SV2B: variants seen among roughly 807,000 people sequenced by gnomAD.
The protein encoded by SV2B is solute carrier family 22 member B2.
SV2B carries 41 observed loss-of-function variants against 73.9 expected under a neutral mutation model. The ratio of observed to expected loss-of-function variants is 0.56; its 90% CI spans 0.43 to 0.72. The LOEUF (loss-of-function observed/expected upper bound fraction) is 0.72, where lower values mean the gene tolerates loss of function less well. SV2B is among the 30% of genes least tolerant of loss of function. The pLI, the probability that SV2B is intolerant of heterozygous loss-of-function variation, is 0.00. For synonymous variants in SV2B, 314 were observed against 314.2 expected (o/e 1.00, Z 0.01); for missense variants, 764 against 857.8 (o/e 0.89, Z 1.37).
chr15:91,176,735 G>T (rs1425301530), intron 1 of SV2B, among the ~76,000 whole-genome samples: 1 of 151,668 alleles, frequency 6.6e-6, no homozygotes, highest in Admixed American at 6.6e-5. Context: ...TTTTGATGGG[G>T]TTGTTTGTTT....
intron 2 of SV2B, among the ~76,000 whole-genome samples, chr15:91,248,225 G>A (rs533659260): frequency 6.6e-6 from 1 of 152,142 alleles, no homozygotes; most frequent in African/African-American, 2.4e-5. Flanking sequence ...GGAGGCTGAG[G>A]CAGGAGGATG....
chr15:91,295,901 A>C lies in SV2B; in HGVS notation c.*3349A>C, dbSNP rs1490996597. On this transcript the variant is annotated 3_prime_UTR_variant, in exon 13 of 13. Transcript: ENST00000394232. ...TTCCTGCCTCATTCCACTTGCAGTGAGCGGATATTAAATTGGCCATAAACA... is the reference window on the plus strand; with the variant it reads ...TTCCTGCCTCATTCCACTTGCAGTGCGCGGATATTAAATTGGCCATAAACA... The C allele has an allele frequency of 6.6e-6, 1 of 152,148 alleles. No individual in the cohort carries two copies. The highest frequency in any genetic ancestry group is 2.4e-5 in the African/African-American group (1 of 41,416). The allele number at this position is 152,148 out of a possible 1,614,324, so 9.4% of individuals were successfully genotyped here. A position where few individuals can be genotyped will look rare whatever the true frequency, so the allele number is the denominator to read the frequency against.
In SV2B at chr15:91,141,896, A is replaced by G. The variant is rs545458568; in HGVS notation, c.-392+41533A>G. Among the ~76,000 whole-genome samples the G allele has an allele frequency of 1.3e-5, 2 of 152,276 alleles. No homozygotes were observed. The highest frequency in any genetic ancestry group is 4.8e-5 in the African/African-American group (2 of 41,556). Reference sequence around the variant, plus strand: ...GTCGGACGGGAATTGGCAGTAGAGAACACAGGGTCCCACAGTGGATCCTCA... The same window carrying G: ...GTCGGACGGGAATTGGCAGTAGAGAGCACAGGGTCCCACAGTGGATCCTCA... On this transcript the variant is annotated intron_variant, in intron 1 of 12. Transcript: ENST00000394232. This position sits in a 1 kb window ranked among gnomAD's most constrained non-coding sequence, Gnocchi z 4.6.
chr15:91,244,569 G>T (rs891608158), intron 2 of SV2B, among the ~76,000 whole-genome samples: 1 of 152,190 alleles, frequency 6.6e-6, no homozygotes, highest in Non-Finnish European at 1.5e-5. Context: ...AAAGCACCTG[G>T]CTGACTTACC....
chr15:91,215,055 C>A (rs2045979272), intron 1 of SV2B, among the ~76,000 whole-genome samples: 1 of 152,216 alleles, frequency 6.6e-6, no homozygotes, highest in Non-Finnish European at 1.5e-5. Context: ...GCGCTGCCTG[C>A]AGGAGGGACA....
chr15:91,187,660 GTT>G lies in SV2B; in HGVS notation c.-391-38202_-391-38201del, dbSNP rs66704426. Among the ~76,000 whole-genome samples, 48 of 146,554 alleles carry G rather than the reference GTT, an allele frequency of 3.3e-4. No homozygotes were observed. The East Asian group carries it at 7.7e-3, about 23-fold the overall frequency. ...TGCAATTCATTCAATTTTATGTTTTGTTTTTTTTTTTTAAATTGTGGCAACAT... is the reference window on the plus strand; with the variant it reads ...TGCAATTCATTCAATTTTATGTTTTGTTTTTTTTTTAAATTGTGGCAACAT... On this transcript the variant is annotated intron_variant, in intron 1 of 12. Coordinates refer to ENST00000394232, the MANE Select transcript of SV2B (RefSeq NM_001323032.3).
chr15:91,190,656 T>A (rs1468966498), intron 1 of SV2B, among the ~76,000 whole-genome samples: 12 of 152,236 alleles, frequency 7.9e-5, no homozygotes. Context: ...TTTCTGATGT[T>A]CCCGTTTTAT....
chr15:91,138,504 G>A (rs146269985), intron 1 of SV2B, among the ~76,000 whole-genome samples: 1 of 152,114 alleles, frequency 6.6e-6, no homozygotes, highest in African/African-American at 2.4e-5. Flanking sequence ...CATTCTATGA[G>A]AACTATAGTT....
intron 1 of SV2B, among the ~76,000 whole-genome samples, chr15:91,175,135 G>A (rs555216435): frequency 1.3e-5 from 2 of 152,282 alleles, no homozygotes; most frequent in South Asian, 4.1e-4. Context: ...CAGAGCAAAT[G>A]TAATCTGCCT....
At position 91,258,399 on chromosome 15, in the gene SV2B, TTGAC is replaced by T. The variant is rs1300055203; in HGVS notation, c.785-15_785-12del. On this transcript the variant is annotated intron_variant, in intron 4 of 12. Transcript: ENST00000394232. The surrounding 1 kb of genome is among the most constrained non-coding windows in gnomAD (Gnocchi z 4.7). ...GAAAAGATCATGTCCCAGAAATCCT[TTGAC>T]TGACTGCTCCTTTGCAGGCTGGGGC... 3.1e-6 allele frequency: 5 copies of T among 1,613,228 alleles called. No individual in the cohort carries two copies. The Admixed American group carries it at 5.0e-5, about 16-fold the overall frequency.
At chr15:91,107,095 GGA>G (rs377155192) in intron 1 of SV2B, among the ~76,000 whole-genome samples, 1 of 151,400 alleles carries the variant, frequency 6.6e-6, no homozygotes, top group South Asian at 2.1e-4. Flanking sequence ...TGTGTGTGAG[GGA>G]GAGAGAGAGA....
In SV2B at chr15:91,284,373, T is replaced by C. The variant is rs2048790893; in HGVS notation, c.1708+152T>C. On this transcript the variant is annotated intron_variant, in intron 11 of 12. Transcript: ENST00000394232. The surrounding 1 kb of genome is among the most constrained non-coding windows in gnomAD (Gnocchi z 4.5). ...GCACCCAGGGCTATAGAGCCAAGGA[T>C]GTGTGCCTACAGAAGACTCCAGGGC... 1 of 837,514 alleles carries C rather than the reference T, an allele frequency of 1.2e-6. No individual in the cohort carries two copies. The highest frequency in any genetic ancestry group is 1.8e-6 in the Non-Finnish European group (1 of 551,018). 51.9% of individuals were successfully genotyped at this position (837,514 alleles called of 1,614,324 possible).
intron 1 of SV2B, among the ~76,000 whole-genome samples, chr15:91,190,168 G>T (rs987170822): frequency 3.9e-5 from 6 of 151,918 alleles, no homozygotes; most frequent in African/African-American, 1.5e-4. Flanking sequence ...TGTGCACAAC[G>T]TGCAGGTTTG....
chr15:91,120,805 C>G (rs1384747745), intron 1 of SV2B, among the ~76,000 whole-genome samples: 1 of 131,652 alleles, frequency 7.6e-6, no homozygotes, highest in Non-Finnish European at 1.6e-5. Flanking sequence ...GAGTGAGAAC[C>G]TGTCTCAAAA....
At chr15:91,271,593 A>G (rs1347455517) in intron 9 of SV2B, among the ~76,000 whole-genome samples, 1 of 152,196 alleles carries the variant, frequency 6.6e-6, no homozygotes, top group Non-Finnish European at 1.5e-5. Flanking sequence ...ACCAACAGAC[A>G]CTAAACCTAT....
intron 1 of SV2B, among the ~76,000 whole-genome samples, chr15:91,216,043 T>C (rs1410281349): frequency 6.6e-6 from 1 of 152,170 alleles, no homozygotes; most frequent in African/African-American, 2.4e-5. Context: ...TTTAACAAAA[T>C]AGAAAATAGA....
chr15:91,216,233 C>A (rs2046020978), intron 1 of SV2B, among the ~76,000 whole-genome samples: 2 of 152,110 alleles, frequency 1.3e-5, no homozygotes, highest in Non-Finnish European at 2.9e-5. Flanking sequence ...CCAGAAACAT[C>A]AAGCAGGGTA....
Position 91,109,141 on chromosome 15 carries a change from T to G in SV2B, c.-392+8778T>G, listed in dbSNP as rs1187589360. The stretch of plus-strand genomic sequence containing the variant: ...GTGCCCATTTTACAGATGAGATATC[T>G]GAGGCGCAGAGAAAAGAAATGACAG... On this transcript the variant is annotated intron_variant, in intron 1 of 12. Coordinates refer to ENST00000394232, the MANE Select transcript of SV2B (RefSeq NM_001323032.3). 3.9e-5 allele frequency among the ~76,000 whole-genome samples: 6 copies of G among 152,350 alleles called. No homozygotes were observed. The East Asian group carries it at 1.2e-3, about 29-fold the overall frequency.
intron 1 of SV2B, among the ~76,000 whole-genome samples, chr15:91,161,329 T>C (rs2043710607): frequency 6.6e-6 from 1 of 152,136 alleles, no homozygotes; most frequent in Non-Finnish European, 1.5e-5. Context: ...CTATTAAAAA[T>C]GTTGAATAAA....
Sources: gnomAD v4.1 joint callset for allele counts (sites outside exome capture counted in the v4.1 genomes callset) on GRCh38, gnomAD v4.1.1 for gene constraint, Gnocchi (gnomAD v3.1) non-coding constraint, MANE v1.5 for transcripts, NCBI Gene and HGNC (gene_info 2026-07-23, HGNC 2026-07-21) for gene names.